The following GATAD1 variants were observed in gnomAD, a reference collection of about 807,000 sequenced individuals.
GATAD1 encodes GATA zinc finger domain containing 1, also known as GATA zinc finger domain-containing protein 1.
A neutral mutation model predicts 26.5 loss-of-function variants in GATAD1; 12 were observed. The ratio of observed to expected loss-of-function variants is 0.45; its 90% CI spans 0.29 to 0.73. The LOEUF (loss-of-function observed/expected upper bound fraction) is 0.73. GATAD1 is among the 30% of genes least tolerant of loss of function. GATAD1 has a pLI of 0.10. For synonymous variants in GATAD1, 129 were observed against 133.1 expected, an observed-to-expected ratio of 0.97 and a Z score of 0.21; for missense variants, 266 against 342.1, an observed-to-expected ratio of 0.78 and a Z score of 1.75.
In GATAD1 at chr7:92,456,631, C is replaced by G. The variant is rs1287905753; in HGVS notation, c.*69C>G. 3.3e-6 allele frequency: 3 copies of G among 900,498 alleles called. No individual in the cohort carries two copies. Among genetic ancestry groups the G allele is most frequent in the Non-Finnish European group, 5.2e-6 (3 of 579,218 alleles). 55.8% of individuals were successfully genotyped at this position (900,498 alleles called of 1,614,324 possible). A position where few individuals can be genotyped will look rare whatever the true frequency, so the allele number is the denominator to read the frequency against. On this transcript the variant is annotated 3_prime_UTR_variant, in exon 5 of 5. Transcript: ENST00000287957. ...ACGCCTGTAGCCCCAGCTATTGCACCACTGCTCTCCAAGCTGGGCAATGGA... is the reference window on the plus strand; with the variant it reads ...ACGCCTGTAGCCCCAGCTATTGCACGACTGCTCTCCAAGCTGGGCAATGGA...
intron 4 of GATAD1, among the ~76,000 whole-genome samples, chr7:92,455,118 G>T (rs182448808): frequency 5.3e-4 from 80 of 150,798 alleles, no homozygotes; most frequent in Middle Eastern, 6.9e-3. Flanking sequence ...GGCGGGGGGG[G>T]ATGCAATTCA....
the GATAD1 span, among the ~76,000 whole-genome samples, chr7:92,492,612 T>G: frequency 2.6e-5 from 4 of 152,346 alleles, no homozygotes; most frequent in African/African-American, 9.6e-5. Context: ...TAACTGATTA[T>G]TTTTTAAAAG....
the GATAD1 span, among the ~76,000 whole-genome samples, chr7:92,494,993 A>C: frequency 6.6e-6 from 1 of 151,898 alleles, no homozygotes; most frequent in African/African-American, 2.4e-5. Flanking sequence ...TCAATAAGTC[A>C]AACACTTTTG....
the GATAD1 span, chr7:92,494,579 A>G: frequency 1.2e-6 from 2 of 1,613,952 alleles, no homozygotes; most frequent in African/African-American, 1.3e-5. Context: ...CCGAGGAGCA[A>G]TGGATTCAAA....
Position 92,448,807 on chromosome 7 carries a change from C to A in GATAD1, c.305C>A (p.Ser102Tyr). Reference sequence around the variant, plus strand: ...CGGCTCAGAAACACTAAATACAAATCTGCTCCGGCTGCTGAAAAGAAAGTC... The same window carrying A: ...CGGCTCAGAAACACTAAATACAAATATGCTCCGGCTGCTGAAAAGAAAGTC... ...SARLRNTKYK[S>Y]APAAEKKVST... Residue 102 changes from serine (S) to tyrosine (Y), a missense_variant, in exon 2 of 5, where the codon TCT becomes TAT. Ser to Tyr is a moderately radical substitution (Grantham distance 144). Transcript: ENST00000287957. 6.2e-7 allele frequency: 1 copy of A among 1,609,128 alleles called. No homozygotes were observed. Among genetic ancestry groups the A allele is most frequent in the Non-Finnish European group, 8.5e-7 (1 of 1,175,374 alleles).
the GATAD1 span, among the ~76,000 whole-genome samples, chr7:92,490,604 T>C: frequency 7.4e-6 from 1 of 134,976 alleles, no homozygotes. Flanking sequence ...CACTGCACTC[T>C]AGTCTGGATG....
the GATAD1 span, among the ~76,000 whole-genome samples, chr7:92,473,716 C>A: frequency 6.6e-6 from 1 of 151,776 alleles, no homozygotes; most frequent in Non-Finnish European, 1.5e-5. Context: ...CGTCTTAGGA[C>A]CCCCTCAGAT....
chr7:92,466,729 G>C, the GATAD1 span, among the ~76,000 whole-genome samples: 1 of 152,148 alleles, frequency 6.6e-6, no homozygotes, highest in Non-Finnish European at 1.5e-5. Flanking sequence ...TCAACTAAGA[G>C]AACTTGACAG....
intron 2 of GATAD1, 52 bp downstream of exon 2, chr7:92,448,929 T>G: frequency 6.5e-7 from 1 of 1,542,742 alleles, no homozygotes; most frequent in Non-Finnish European, 9.0e-7. Context: ...GTGTGTATCC[T>G]GCCACTGCCT....
At chr7:92,494,741 C>T in the GATAD1 span, 4 of 639,360 alleles carry the variant, frequency 6.3e-6, no homozygotes, top group Non-Finnish European at 6.8e-6. Flanking sequence ...TATTTATATA[C>T]TTCTTTTAAT....
intron 3 of GATAD1, among the ~76,000 whole-genome samples, chr7:92,451,849 C>T (rs1789446272): frequency 1.3e-5 from 2 of 152,272 alleles, no homozygotes; most frequent in South Asian, 2.1e-4. Flanking sequence ...TGAGGCACAG[C>T]GAGGTTAATT....
chr7:92,453,023 A>G (rs1789505305), intron 3 of GATAD1, among the ~76,000 whole-genome samples: 1 of 152,212 alleles, frequency 6.6e-6, no homozygotes, highest in South Asian at 2.1e-4. Flanking sequence ...GGAACTAGCA[A>G]GTAGCGGACT....
Position 92,456,580 on chromosome 7 carries a change from G to T in GATAD1, c.*18G>T, listed in dbSNP as rs1466641691. The T allele has an allele frequency of 6.3e-7, 1 of 1,577,320 alleles. No individual in the cohort carries two copies. Among genetic ancestry groups the T allele is most frequent in the Non-Finnish European group, 8.7e-7 (1 of 1,150,328 alleles). ...ATTTGTAGTTCACAAATTAAAACTG[G>T]GTTTCCAGGCCTGGTGTGGTGGCTC... is the stretch of plus-strand genomic sequence containing the variant. On this transcript the variant is annotated 3_prime_UTR_variant, in exon 5 of 5. Coordinates refer to ENST00000287957, the MANE Select transcript of GATAD1 (RefSeq NM_021167.5).
chr7:92,466,641 G>A, the GATAD1 span, among the ~76,000 whole-genome samples: 1 of 152,184 alleles, frequency 6.6e-6, no homozygotes, highest in Non-Finnish European at 1.5e-5. Flanking sequence ...AGATCACAAA[G>A]ACAGAAGGAA....
Position 92,447,892 on chromosome 7 carries a change from A to G in GATAD1, c.163A>G (p.Ser55Gly), listed in dbSNP as rs932471141. The G allele has an allele frequency of 3.2e-6, 4 of 1,266,604 alleles. No individual in the cohort carries two copies. The highest frequency in any genetic ancestry group is 4.0e-6 in the Non-Finnish European group (4 of 1,006,210). The allele number at this position is 1,266,604 out of a possible 1,614,324, so 78.5% of individuals were successfully genotyped here. The change falls in exon 1 of 5, where the codon AGC (serine) becomes GGC (glycine). Residue 55 changes from serine to glycine, a missense_variant. Transcript: ENST00000287957. ...GSGAAGGTGG[S>G]GGGGFGAATF... ...GGGGGCGGCTGGAGGGACTGGGGGC[A>G]GCGGCGGCGGCGGCTTCGGCGCGGC...
chr7:92,479,804 G>A, the GATAD1 span, among the ~76,000 whole-genome samples: 2 of 152,058 alleles, frequency 1.3e-5, no homozygotes, highest in Non-Finnish European at 2.9e-5. Flanking sequence ...GTTAGAAGGA[G>A]CATTTATTGT....
intron 1 of GATAD1, 87 bp downstream of exon 1, chr7:92,448,065 GGCTTCCCCGATCGCCGTGCTCCT>G: frequency 9.6e-7 from 1 of 1,044,018 alleles, no homozygotes; most frequent in Non-Finnish European, 1.2e-6. Context: ...GGCGGGCGCG[GGCTTCCCCGATCGCCGTGCTCCT>G]GCTGGCTGGA....
intron 2 of GATAD1, 117 bp downstream of exon 2, chr7:92,448,994 C>G (rs1789300577): frequency 8.4e-7 from 1 of 1,193,646 alleles, no homozygotes; most frequent in Non-Finnish European, 1.2e-6. Flanking sequence ...CCTTAGTATT[C>G]TGGGGAATGG....
the GATAD1 span, among the ~76,000 whole-genome samples, chr7:92,466,724 T>C: frequency 6.6e-6 from 1 of 152,176 alleles, no homozygotes; most frequent in African/African-American, 2.4e-5. Flanking sequence ...AGTCCTCAAC[T>C]AAGAGAACTT....
Sources: allele counts gnomAD v4.1 joint callset (sites outside exome capture counted in the v4.1 genomes callset), GRCh38; gene constraint gnomAD v4.1.1; transcripts MANE v1.5; gene names NCBI Gene and HGNC (gene_info 2026-07-23, HGNC 2026-07-21).